Variants in PIGN observed in about 807,000 individuals in gnomAD.
PIGN encodes phosphatidylinositol glycan anchor biosynthesis class N.
In PIGN, 117 loss-of-function variants were observed where a neutral mutation model predicts 125.4. The ratio of observed to expected loss-of-function variants is 0.93; its 90% CI spans 0.80 to 1.09. The LOEUF (loss-of-function observed/expected upper bound fraction) is 1.09. PIGN is among the 50% of genes least tolerant of loss of function. The pLI is 0.00. For synonymous variants in PIGN, 392 were observed against 377.8 expected, an observed-to-expected ratio of 1.04 and a Z score of -0.44; for missense variants, 1,075 against 1,094.9, an observed-to-expected ratio of 0.98 and a Z score of 0.26.
chr18:62,150,903 T>C (rs1002498395), intron 7 of PIGN, among the ~76,000 whole-genome samples: 3 of 152,086 alleles, frequency 2.0e-5, no homozygotes, highest in African/African-American at 7.2e-5. Flanking sequence ...GGTTTCACCA[T>C]GTTGGCCAGG....
chr18:62,125,157 TGTTTGTACATATGTGTATATAAATATAC>T (rs2035478354), intron 14 of PIGN, among the ~76,000 whole-genome samples: 1 of 100,694 alleles, frequency 9.9e-6, no homozygotes, highest in Admixed American at 8.6e-5. Context: ...TGTATATACA[TGTTTGTACATATGTGTATATAAATATAC>T]ACGTTTGTAC....
chr18:62,110,536 G>A (rs2034835147), intron 16 of PIGN, among the ~76,000 whole-genome samples: 3 of 152,084 alleles, frequency 2.0e-5, no homozygotes, highest in Admixed American at 1.3e-4. Flanking sequence ...ATGGTGTAAA[G>A]GTCAGGGACT....
chr18:62,107,784 C>T (rs1305072692), intron 17 of PIGN, among the ~76,000 whole-genome samples: 1 of 151,850 alleles, frequency 6.6e-6, no homozygotes, highest in African/African-American at 2.4e-5. Flanking sequence ...CCAAGTAATC[C>T]TATATTTAAA....
rs1297854932 is a variant in PIGN at position 62,041,818 on chromosome 18, C to T, written c.*4038G>A. The T allele has an allele frequency of 1.3e-5, 2 of 151,926 alleles. No homozygotes were observed. The highest frequency in any genetic ancestry group is 1.9e-4 in the East Asian group (1 of 5,136). 9.4% of individuals were successfully genotyped at this position (151,926 alleles called of 1,614,324 possible). A position where few individuals can be genotyped will look rare whatever the true frequency, so the allele number is the denominator to read the frequency against. On this transcript the variant is annotated 3_prime_UTR_variant, in exon 31 of 31. Coordinates refer to ENST00000640252, the MANE Select transcript of PIGN (RefSeq NM_176787.5). ...TGCTGGAATTACAGGGGTGAGCCAC[C>T]AAGCCCGGCTTTGGAAACATTTCTT...
intron 17 of PIGN, 120 bp from the exon 18 acceptor site, chr18:62,107,205 T>G (rs973947226): frequency 1.3e-5 from 9 of 673,848 alleles, no homozygotes; most frequent in African/African-American, 1.1e-4. Flanking sequence ...ATTCAAAAAC[T>G]AAAATAAGCT....
chr18:62,031,889 T>C (rs2030196604), intron 23 of PIGN, among the ~76,000 whole-genome samples: 1 of 152,168 alleles, frequency 6.6e-6, no homozygotes, highest in Non-Finnish European at 1.5e-5. Flanking sequence ...AATTTATTTT[T>C]TCACAGTTCC....
intron 30 of PIGN, among the ~76,000 whole-genome samples, chr18:62,049,639 T>C (rs1163228784): frequency 6.8e-6 from 1 of 146,734 alleles, no homozygotes; most frequent in African/African-American, 2.5e-5. Context: ...TTTTCTCCCA[T>C]GTTGTAGGTT....
At position 62,128,763 on chromosome 18, in the gene PIGN, G is replaced by A. The variant is rs2035626315; in HGVS notation, c.1172+9480C>T. 2.0e-5 allele frequency among the ~76,000 whole-genome samples: 3 copies of A among 151,836 alleles called. No homozygotes were observed. In the South Asian group the frequency reaches 6.2e-4, roughly 32 times the overall value. ...ATTCTATAAGCCCATTATTTCTAGA[G>A]GGCTATAATATTTTATTATTACATT... On this transcript the variant is annotated intron_variant, in intron 14 of 30. Transcript: ENST00000640252.
At chr18:62,070,437 GAGCATCCAC>G (rs1267058035) in intron 30 of PIGN, 22 of 397,760 alleles carry the variant, frequency 5.5e-5, no homozygotes, top group Non-Finnish European at 7.5e-5. Flanking sequence ...CTGGATCTGA[GAGCATCCAC>G]AGTCTATTGG....
chr18:62,123,208 G>A (rs1449254306), intron 14 of PIGN, among the ~76,000 whole-genome samples: 2 of 152,032 alleles, frequency 1.3e-5, no homozygotes, highest in Admixed American at 6.6e-5. Flanking sequence ...CCACTATACT[G>A]CAGCCTGGGC....
chr18:62,138,427 C>G (rs377336582), intron 13 of PIGN, 129 bp from the exon 14 acceptor site: 3 of 1,280,042 alleles, frequency 2.3e-6, no homozygotes, highest in Non-Finnish European at 3.1e-6. Flanking sequence ...TTTTATGTTA[C>G]TATATTGTTT....
At chr18:62,093,260 C>T (rs1191566091) in intron 23 of PIGN, among the ~76,000 whole-genome samples, 1 of 152,016 alleles carries the variant, frequency 6.6e-6, no homozygotes, top group African/African-American at 2.4e-5. Context: ...CTTTCAAAAA[C>T]TATACATTAT....
rs572165246 is a variant in PIGN at position 62,111,199 on chromosome 18, C to T, written c.1435-1226G>A. On this transcript the variant is annotated intron_variant, in intron 16 of 30. Transcript: ENST00000640252. ...TAATTTTTCTGAGCCTAAATCCCTC[C>T]ATCTATATTATGAGAATCATAACCA... Among the ~76,000 whole-genome samples, 43 of 152,100 alleles carry T rather than the reference C, an allele frequency of 2.8e-4. No homozygotes were observed. In the South Asian group the frequency reaches 7.9e-3, roughly 28 times the overall value.
intron 10 of PIGN, among the ~76,000 whole-genome samples, chr18:62,144,092 AT>A (rs2036233945): frequency 6.6e-6 from 1 of 152,222 alleles, no homozygotes; most frequent in Non-Finnish European, 1.5e-5. Flanking sequence ...TGATGAAAAA[AT>A]GCCCATTCCT....
At chr18:62,074,263 CA>C (rs1568145350) in intron 29 of PIGN, among the ~76,000 whole-genome samples, 1 of 152,196 alleles carries the variant, frequency 6.6e-6, no homozygotes, top group Non-Finnish European at 1.5e-5. Flanking sequence ...GGGAACTCCC[CA>C]AAGTTGTAGA....
At chr18:62,095,586 T>C (rs1418401316) in intron 23 of PIGN, among the ~76,000 whole-genome samples, 1 of 152,174 alleles carries the variant, frequency 6.6e-6, no homozygotes, top group Admixed American at 6.5e-5. Context: ...TTTAACATTA[T>C]AGTTAAATGG....
At chr18:62,126,604 A>G (rs912273575) in intron 14 of PIGN, among the ~76,000 whole-genome samples, 1 of 152,180 alleles carries the variant, frequency 6.6e-6, no homozygotes, top group East Asian at 1.9e-4. Flanking sequence ...AAACAATATT[A>G]GCACTTCCTA....
chr18:62,036,774 G>T (rs560932126), downstream of PIGN, among the ~76,000 whole-genome samples: 2 of 152,224 alleles, frequency 1.3e-5, no homozygotes, highest in South Asian at 4.1e-4. Context: ...GATGCTAACT[G>T]GTATGTTAAC....
chr18:62,032,847 T>G (rs757244030), intron 23 of PIGN, among the ~76,000 whole-genome samples: 5 of 152,226 alleles, frequency 3.3e-5, no homozygotes, highest in African/African-American at 4.8e-5. Context: ...TTGTAAGGAC[T>G]ACACAAGAGT....
Sources: gnomAD v4.1 joint callset for allele counts (sites outside exome capture counted in the v4.1 genomes callset) on GRCh38, gnomAD v4.1.1 for gene constraint, MANE v1.5 for transcripts, NCBI Gene and HGNC (gene_info 2026-07-23, HGNC 2026-07-21) for gene names.